The following NOP14 variants were observed in gnomAD, a reference collection of about 807,000 sequenced individuals.
NOP14 encodes nucleolar protein 14.
A neutral mutation model predicts 101.6 loss-of-function variants in NOP14; 57 were observed. The ratio of observed to expected loss-of-function variants is 0.56; its 90% CI spans 0.45 to 0.70. The LOEUF is 0.70. Ranked by LOEUF, NOP14 falls within the 30% of genes least tolerant of loss-of-function variation. The pLI is 0.00. For missense variants in NOP14, 1,134 were observed against 1,075.5 expected (o/e 1.05, Z -0.76); for synonymous variants, 428 against 424.0 (o/e 1.01, Z -0.12).
intron 9 of NOP14, among the ~76,000 whole-genome samples, chr4:2,948,075 C>T (rs1292307224): frequency 6.6e-6 from 1 of 152,228 alleles, no homozygotes; most frequent in Non-Finnish European, 1.5e-5. Flanking sequence ...GGCACGAGGC[C>T]TAGAGAGGGG....
chr4:2,948,894 CCTGGGCTGT>C (rs1279531697), intron 8 of NOP14, among the ~76,000 whole-genome samples: 4 of 152,244 alleles, frequency 2.6e-5, no homozygotes, highest in Non-Finnish European at 5.9e-5. Context: ...GCCATCCTGA[CCTGGGCTGT>C]CAGGTGCGAT....
intron 3 of NOP14, 43 bp downstream of exon 3, chr4:2,956,627 T>C: frequency 1.3e-6 from 2 of 1,572,428 alleles, no homozygotes; most frequent in Non-Finnish European, 1.7e-6. Context: ...AGACTCTCCC[T>C]GACTCCACGC....
chr4:2,941,959 G>T, intron 14 of NOP14: 1 of 631,518 alleles, frequency 1.6e-6, no homozygotes, highest in South Asian at 2.2e-5. Context: ...GGATGGGGCG[G>T]CTCCATTTTT....
At chr4:2,956,643 G>T in intron 3 of NOP14, 27 bp downstream of exon 3, 1 of 1,595,596 alleles carries the variant, frequency 6.3e-7, no homozygotes, top group Admixed American at 1.8e-5. Flanking sequence ...CACGCCCACA[G>T]GCCCGTGCAC....
rs143605581 is a variant in NOP14 at position 2,963,254 on chromosome 4, C to T, written c.66G>A (p.Gly22=). Residue 22 remains glycine (G), a synonymous_variant, in exon 1 of 18, where the codon GGG becomes GGA. Coordinates refer to ENST00000416614, the MANE Select transcript of NOP14 (RefSeq NM_001291978.2). ...GATTGGAGTTGGCCTTCGCCGGGCCCCCTCGCGCTCCCGCCGGCGCCCCGG... is the reference window on the plus strand; with the variant it reads ...GATTGGAGTTGGCCTTCGCCGGGCCTCCTCGCGCTCCCGCCGGCGCCCCGG... ...KASGAPAGAR[G]GPAKANSNPF... is the part of the protein sequence containing the mutation. The T allele has an allele frequency of 5.0e-6, 8 of 1,591,118 alleles. No homozygotes were observed. Among genetic ancestry groups the T allele is most frequent in the Non-Finnish European group, 6.8e-6 (8 of 1,171,428 alleles).
At chr4:2,944,411 A>ATT (rs111517923) in intron 12 of NOP14, among the ~76,000 whole-genome samples, 185 bp from the exon 13 acceptor site, 12 of 151,354 alleles carry the variant, frequency 7.9e-5, no homozygotes, top group Non-Finnish European at 8.8e-5. Context: ...AGCTTTAGTG[A>ATT]TTTTTTTTTC....
intron 7 of NOP14, 63 bp from the exon 8 acceptor site, chr4:2,950,276 C>T: frequency 6.4e-7 from 1 of 1,556,838 alleles, no homozygotes; most frequent in Non-Finnish European, 8.8e-7. Context: ...GACCATCTCA[C>T]AGCCACATCA....
At position 2,952,326 on chromosome 4, in the gene NOP14, C is replaced by G; in HGVS notation, c.819G>C (p.Lys273Asn). The change falls in exon 6 of 18, where the codon AAG (lysine) becomes AAC (asparagine). Residue 273 changes from lysine (K) to asparagine (N), a missense_variant. By Grantham distance (94) the Lys-to-Asn change is moderately conservative (BLOSUM62 0). Coordinates refer to ENST00000416614, the MANE Select transcript of NOP14 (RefSeq NM_001291978.2). ...EMKAQPSNRM[K>N]TEAELAKEEQ... ...CTTCCTTTGCCAATTCTGCCTCCGT[C>G]TTCATCCTGTTAGAGGGCTGCGCCT... 1 of 1,613,932 alleles carries G rather than the reference C, an allele frequency of 6.2e-7. No homozygotes were observed. The highest frequency in any genetic ancestry group is 8.5e-7 in the Non-Finnish European group (1 of 1,179,840).
At chr4:2,962,618 A>G (rs1245778219) in intron 1 of NOP14, among the ~76,000 whole-genome samples, 1 of 151,938 alleles carries the variant, frequency 6.6e-6, no homozygotes, top group African/African-American at 2.4e-5. Flanking sequence ...CTGTGCCTTA[A>G]TTTTTTCACC....
At chr4:2,950,300 A>G (rs1714937491) in intron 7 of NOP14, 87 bp from the exon 8 acceptor site, 2 of 1,406,064 alleles carry the variant, frequency 1.4e-6, no homozygotes, top group Non-Finnish European at 2.0e-6. Flanking sequence ...GGCTGCCCAC[A>G]TCAGGGCTTT....
Position 2,939,205 on chromosome 4 carries a change from G to A in NOP14, c.2457C>T (p.Leu819=). 1.9e-6 allele frequency: 3 copies of A among 1,614,002 alleles called. No individual in the cohort carries two copies. Among genetic ancestry groups the A allele is most frequent in the Non-Finnish European group, 2.5e-6 (3 of 1,180,040 alleles). The change falls in exon 17 of 18, where the codon CTC becomes CTT. Residue 819 remains leucine (L), a synonymous_variant. Transcript: ENST00000416614. The stretch of plus-strand genomic sequence containing the variant: ...CCCCTCACCGTTCCATGATTTCTGA[G>A]AGTTGCATCCTCGCCAGGAACTGAT... ...KDNQFLARMQ[L]SEIMERDAER...
intron 3 of NOP14, 88 bp downstream of exon 3, chr4:2,956,582 A>T: frequency 2.4e-6 from 3 of 1,263,772 alleles, no homozygotes; most frequent in Non-Finnish European, 3.2e-6. Context: ...AACTTTCTCT[A>T]GTCTCTAAGA....
At chr4:2,956,081 C>G (rs1479923954) in intron 3 of NOP14, among the ~76,000 whole-genome samples, 1 of 152,214 alleles carries the variant, frequency 6.6e-6, no homozygotes, top group African/African-American at 2.4e-5. Flanking sequence ...GGGTTCAAGA[C>G]AGTCAGACCC....
At chr4:2,946,674 T>C in intron 10 of NOP14, 127 bp from the exon 11 acceptor site, 1 of 766,196 alleles carries the variant, frequency 1.3e-6, no homozygotes, top group South Asian at 1.8e-5. Context: ...GAATCCGCTT[T>C]TTCTAACAGC....
chr4:2,943,620 G>T lies in NOP14; in HGVS notation c.1891+453C>A, dbSNP rs141728575. 3.4e-3 allele frequency among the ~76,000 whole-genome samples: 513 copies of T among 152,400 alleles called. 2 individuals carry two copies. Among genetic ancestry groups the T allele is most frequent in the African/African-American group, 0.012 (502 of 41,600 alleles). ...GAGCGTTAAGAGAAGCGACACAGCA[G>T]CGCGGCCTGTGTGAGCTGCACGAGA... On this transcript the variant is annotated intron_variant, in intron 13 of 17. Coordinates refer to ENST00000416614, the MANE Select transcript of NOP14 (RefSeq NM_001291978.2).
intron 8 of NOP14, 88 bp from the exon 9 acceptor site, chr4:2,948,496 C>A: frequency 9.0e-7 from 1 of 1,106,330 alleles, no homozygotes; most frequent in South Asian, 1.8e-5. Context: ...GCTCTGTTGC[C>A]CAGGCTGGAG....
In NOP14 at chr4:2,963,328, C is replaced by G; in HGVS notation, c.-9G>C. On this transcript the variant is annotated 5_prime_UTR_variant, in exon 1 of 18. Coordinates refer to ENST00000416614, the MANE Select transcript of NOP14 (RefSeq NM_001291978.2). ...TTCTTCGCCTTCGCCATGGCGCGCG[C>G]CCCGCTGCGCCCAAGGGCCCGAGAC... is the stretch of plus-strand genomic sequence containing the variant. 3.2e-6 allele frequency: 5 copies of G among 1,562,478 alleles called. No homozygotes were observed. The highest frequency in any genetic ancestry group is 4.3e-6 in the Non-Finnish European group (5 of 1,159,440).
chr4:2,946,873 G>A, intron 10 of NOP14: 1 of 334,990 alleles, frequency 3.0e-6, no homozygotes, highest in Non-Finnish European at 5.6e-6. Flanking sequence ...CTCACGACAG[G>A]TACTTCTTTG....
rs748756960 is a variant in NOP14, at chr4:2,956,685, G to A, written c.457C>T (p.Arg153Ter). ...CCAGCCTCACCAGACAACGTTCCTCGATCCTCAGCATCGCTGTCACTGTCC... is the reference window on the plus strand; with the variant it reads ...CCAGCCTCACCAGACAACGTTCCTCAATCCTCAGCATCGCTGTCACTGTCC... ...IVDSDSDAED[R>*]GTLSAELTAA... The change falls in exon 3 of 18, where the codon CGA (arginine) becomes TGA (stop). Residue 153 changes from arginine to a stop codon, truncating the protein, a stop_gained. Transcript: ENST00000416614. LOFTEE classifies it high-confidence loss of function. 6.2e-6 allele frequency: 10 copies of A among 1,612,272 alleles called. No individual in the cohort carries two copies. The highest frequency in any genetic ancestry group is 7.6e-6 in the Non-Finnish European group (9 of 1,179,572).
Sources: gnomAD v4.1 joint callset for allele counts (sites outside exome capture counted in the v4.1 genomes callset) on GRCh38, gnomAD v4.1.1 for gene constraint, MANE v1.5 for transcripts, NCBI Gene and HGNC (gene_info 2026-07-23, HGNC 2026-07-21) for gene names.